SUGP2: variants seen among roughly 807,000 people sequenced by gnomAD.
The protein encoded by SUGP2 is SURP and G-patch domain-containing protein 2.
A neutral mutation model predicts 90.5 loss-of-function variants in SUGP2; 24 were observed. The observed-to-expected ratio is 0.27, with a 90% CI of 0.19 to 0.37. SUGP2 has a LOEUF of 0.37. Among genes scored for constraint, SUGP2 ranks in the 10% least tolerant of loss-of-function variants. The probability of loss-of-function intolerance (pLI) is 1.00; values close to 1 mark genes in which losing one functional copy is unlikely to be tolerated. For synonymous variants in SUGP2, 473 were observed against 513.4 expected (o/e 0.92, Z 1.06); for missense variants, 1,233 against 1,363.3 (o/e 0.90, Z 1.51).
At chr19:18,998,617 T>C (rs1300806284) in intron 8 of SUGP2, among the ~76,000 whole-genome samples, 1 of 145,354 alleles carries the variant, frequency 6.9e-6, no homozygotes, top group Non-Finnish European at 1.5e-5. Context: ...TGTGTATGCA[T>C]GTGTGTGTGC....
chr19:18,993,526 G>A lies in SUGP2; in HGVS notation c.*215C>T, dbSNP rs570516220. Reference sequence around the variant, plus strand: ...GCTGCTAAAAGCATGTGAACAGAGAGGAGAGGCAAAAGCACATTGAAAATG... The same window carrying A: ...GCTGCTAAAAGCATGTGAACAGAGAAGAGAGGCAAAAGCACATTGAAAATG... On this transcript the variant is annotated 3_prime_UTR_variant, in exon 11 of 11. Transcript: ENST00000452918. The A allele has an allele frequency of 6.6e-6, 1 of 152,596 alleles. No homozygotes were observed. The highest frequency in any genetic ancestry group is 1.5e-5 in the Non-Finnish European group (1 of 68,022). The allele number at this position is 152,596 out of a possible 1,614,324, so 9.5% of individuals were successfully genotyped here. A position where few individuals can be genotyped will look rare whatever the true frequency, so the allele number is the denominator to read the frequency against.
At chr19:18,994,160 T>A in intron 10 of SUGP2, 1 of 643,016 alleles carries the variant, frequency 1.6e-6, no homozygotes. Context: ...CAGTGTGAGG[T>A]TTGCTCCTTC....
At chr19:19,008,492 C>T in intron 5 of SUGP2, 64 bp from the exon 6 acceptor site, 1 of 1,338,124 alleles carries the variant, frequency 7.5e-7, no homozygotes, top group Non-Finnish European at 1.1e-6. Context: ...GTAAACACTG[C>T]AGGGTTGTGG....
At chr19:18,996,698 G>A (rs749349916) in intron 8 of SUGP2, among the ~76,000 whole-genome samples, 5 of 152,122 alleles carry the variant, frequency 3.3e-5, no homozygotes, top group African/African-American at 4.8e-5. Context: ...GATTACAGGC[G>A]TGTGCCACCA....
chr19:19,029,136 G>A (rs1008950174), intron 2 of SUGP2, among the ~76,000 whole-genome samples: 1 of 149,786 alleles, frequency 6.7e-6, no homozygotes. Context: ...ATGCCACCAT[G>A]CCCAGATAAA....
intron 2 of SUGP2, among the ~76,000 whole-genome samples, chr19:19,027,154 AT>A (rs1218552925): frequency 6.6e-6 from 1 of 152,192 alleles, no homozygotes; most frequent in Non-Finnish European, 1.5e-5. Context: ...ATGTACTTGC[AT>A]TTGCTTAATC....
intron 4 of SUGP2, among the ~76,000 whole-genome samples, chr19:19,011,515 T>C (rs1162618855): frequency 6.6e-6 from 1 of 152,194 alleles, no homozygotes; most frequent in Non-Finnish European, 1.5e-5. Flanking sequence ...GCATCTGGTA[T>C]ATAATGTTCT....
intron 9 of SUGP2, chr19:18,994,825 T>C: frequency 1.9e-6 from 1 of 534,486 alleles, no homozygotes; most frequent in Non-Finnish European, 3.4e-6. Flanking sequence ...GGCCCGGCTA[T>C]GGGTTCCCGG....
chr19:19,004,891 G>A lies in SUGP2; in HGVS notation c.2451-245C>T, dbSNP rs934160725. ...TAACTGCTTTCCAGGGGACAGAGGC[G>A]GACGAACAAGGTATGCAGGGCTTGG... is the stretch of plus-strand genomic sequence containing the variant. On this transcript the variant is annotated intron_variant, in intron 6 of 10. Coordinates refer to ENST00000452918, the MANE Select transcript of SUGP2 (RefSeq NM_001017392.5). Among the ~76,000 whole-genome samples, 4 of 152,196 alleles carry A rather than the reference G, an allele frequency of 2.6e-5. 1 individual carries two copies. The South Asian group carries it at 6.2e-4, about 24-fold the overall frequency.
At chr19:19,029,081 CGAACTT>C (rs1395128454) in intron 2 of SUGP2, among the ~76,000 whole-genome samples, 1 of 152,116 alleles carries the variant, frequency 6.6e-6, no homozygotes, top group Non-Finnish European at 1.5e-5. Context: ...TGGGCACAAG[CGAACTT>C]CCTGCCTCAG....
chr19:19,019,223 G>A lies in SUGP2; in HGVS notation c.1736C>T (p.Pro579Leu), dbSNP rs764498444. ...CACTACCCTGTGATCTGCTCGCTGG[G>A]GGACAGCTGGAACACACAGAACAGC... ...KAPSSLSDAV[P>L]QRADHRVVGT... Residue 579 changes from proline (P) to leucine (L), a missense_variant, in exon 4 of 11, where the codon CCC becomes CTC. This residue lies in a region of SUGP2 where 540 missense variants were observed against 542.6 expected (regional missense o/e 1.00). Transcript: ENST00000452918. The A allele has an allele frequency of 1.1e-5, 18 of 1,612,842 alleles. No individual in the cohort carries two copies. The highest frequency in any genetic ancestry group is 2.7e-5 in the African/African-American group (2 of 74,908).
At chr19:19,006,553 A>T (rs2058084483) in intron 6 of SUGP2, among the ~76,000 whole-genome samples, 1 of 152,160 alleles carries the variant, frequency 6.6e-6, no homozygotes, top group African/African-American at 2.4e-5. Context: ...CTAATGCAAA[A>T]TTCTCCTTTA....
intron 4 of SUGP2, among the ~76,000 whole-genome samples, chr19:19,011,794 C>T (rs928594564): frequency 6.6e-6 from 1 of 152,072 alleles, no homozygotes; most frequent in Non-Finnish European, 1.5e-5. Context: ...CCCAGGAGTT[C>T]AAGACCAGTC....
intron 1 of SUGP2, among the ~76,000 whole-genome samples, chr19:19,031,719 T>C (rs1020111522): frequency 1.3e-5 from 2 of 151,694 alleles, no homozygotes; most frequent in East Asian, 3.9e-4. Flanking sequence ...AAAAAATGCG[T>C]GCTCACAGAA....
At chr19:19,027,739 G>A (rs1283644306) in intron 2 of SUGP2, among the ~76,000 whole-genome samples, 1 of 152,040 alleles carries the variant, frequency 6.6e-6, no homozygotes, top group African/African-American at 2.4e-5. Flanking sequence ...CCAGGTTCAA[G>A]CGATTCTCCT....
intron 4 of SUGP2, among the ~76,000 whole-genome samples, chr19:19,015,597 G>A (rs544609969): frequency 3.3e-5 from 5 of 152,038 alleles, no homozygotes; most frequent in Non-Finnish European, 4.4e-5. Flanking sequence ...TCTGCCTCCC[G>A]GGTTCAAGTG....
At chr19:18,999,222 G>T (rs1018773728) in intron 8 of SUGP2, among the ~76,000 whole-genome samples, 1 of 152,172 alleles carries the variant, frequency 6.6e-6, no homozygotes, top group African/African-American at 2.4e-5. Flanking sequence ...GGGCGAGGTG[G>T]AGGTTTGCAG....
intron 8 of SUGP2, among the ~76,000 whole-genome samples, chr19:19,001,396 A>C (rs1435735116): frequency 6.6e-6 from 1 of 152,212 alleles, no homozygotes; most frequent in South Asian, 2.1e-4. Context: ...GATCTCAACT[A>C]TCCATTACAC....
intron 2 of SUGP2, 61 bp from the exon 3 acceptor site, chr19:19,026,287 T>C: frequency 7.0e-7 from 1 of 1,420,108 alleles, no homozygotes; most frequent in Non-Finnish European, 9.2e-7. Flanking sequence ...GACCAGAGAA[T>C]GCAAACAGTG....
Sources: gnomAD v4.1 joint callset for allele counts (sites outside exome capture counted in the v4.1 genomes callset) on GRCh38, gnomAD v4.1.1 for gene constraint, gnomAD v4.1.1 regional missense constraint, MANE v1.5 for transcripts, NCBI Gene and HGNC (gene_info 2026-07-23, HGNC 2026-07-21) for gene names.